The following IFT88 variants were observed in gnomAD, a reference collection of about 807,000 sequenced individuals.
The protein encoded by IFT88 is intraflagellar transport 88, also known as intraflagellar transport protein 88 homolog.
IFT88 carries 74 observed loss-of-function variants against 119.5 expected under a neutral mutation model. The observed-to-expected ratio is 0.62, with a 90% CI of 0.51 to 0.75. The LOEUF is 0.75. IFT88 is among the 30% of genes least tolerant of loss of function. IFT88 has a pLI of 0.00. For synonymous variants in IFT88, 279 were observed against 316.7 expected (o/e 0.88, Z 1.26); for missense variants, 961 against 977.7 (o/e 0.98, Z 0.23).
chr13:20,641,112 A>C (rs888506743), intron 17 of IFT88, among the ~76,000 whole-genome samples, 178 bp from the exon 18 acceptor site: 1 of 152,118 alleles, frequency 6.6e-6, no homozygotes, highest in South Asian at 2.1e-4. Flanking sequence ...GTGCCACTAC[A>C]CTCCAGTGTG....
chr13:20,593,295 G>T (rs1173933073), intron 7 of IFT88, among the ~76,000 whole-genome samples: 1 of 152,078 alleles, frequency 6.6e-6, no homozygotes, highest in African/African-American at 2.4e-5. Context: ...TGTGTGCCAG[G>T]CACTTTTCCA....
chr13:20,605,060 C>A lies in IFT88; in HGVS notation c.1067C>A (p.Thr356Asn). Residue 356 changes from threonine to asparagine, a missense_variant, in exon 13 of 26, where the codon ACT (threonine) becomes AAT (asparagine). Coordinates refer to ENST00000351808, the MANE Select transcript of IFT88 (RefSeq NM_006531.5). The stretch of plus-strand genomic sequence containing the variant: ...GATGATCCTCATACTAACTTAGTAA[C>A]TGAAGCTATAAAAAATGATCACCTC... ...PSDDPHTNLV[T>N]EAIKNDHLRQ... is the part of the protein sequence containing the mutation. The A allele has an allele frequency of 6.6e-7, 1 of 1,509,400 alleles. No individual in the cohort carries two copies. The highest frequency in any genetic ancestry group is 9.2e-7 in the Non-Finnish European group (1 of 1,087,760). The allele number at this position is 1,509,400 out of a possible 1,614,324, so 93.5% of individuals were successfully genotyped here.
chr13:20,621,935 T>C (rs111471454), intron 14 of IFT88, among the ~76,000 whole-genome samples: 119 of 152,318 alleles, frequency 7.8e-4, no homozygotes, highest in African/African-American at 2.8e-3. Context: ...ACTGATCTTT[T>C]TACTGTCTCC....
rs2050236685 is a variant in IFT88 at position 20,643,261 on chromosome 13, T to TATAC, written c.1683-190_1683-187dup. ...ATGGAGGAAAAGGGAAAGCAGGCTA[T>TATAC]ATACATAGGGAGCAAGAGTGTTACC... On this transcript the variant is annotated intron_variant, in intron 18 of 25. Transcript: ENST00000351808. Among the ~76,000 whole-genome samples the TATAC allele has an allele frequency of 2.0e-5, 3 of 152,182 alleles. No individual in the cohort carries two copies. The South Asian group carries it at 6.2e-4, about 31-fold the overall frequency.
At chr13:20,610,472 A>C (rs1379333439) in intron 13 of IFT88, among the ~76,000 whole-genome samples, 1 of 152,056 alleles carries the variant, frequency 6.6e-6, no homozygotes, top group Non-Finnish European at 1.5e-5. Flanking sequence ...CACTGTGGAT[A>C]TATTACAGGA....
At chr13:20,571,278 G>A (rs1351065723) in intron 1 of IFT88, among the ~76,000 whole-genome samples, 1 of 152,222 alleles carries the variant, frequency 6.6e-6, no homozygotes, top group Non-Finnish European at 1.5e-5. Context: ...ATAGGCGTGA[G>A]CCACTGCGCC....
chr13:20,620,846 A>G (rs2046365393), intron 14 of IFT88, among the ~76,000 whole-genome samples: 1 of 152,066 alleles, frequency 6.6e-6, no homozygotes, highest in Non-Finnish European at 1.5e-5. Flanking sequence ...CACTTTTTGA[A>G]TGGAATTAGT....
At chr13:20,606,971 G>A (rs1342977441) in intron 13 of IFT88, among the ~76,000 whole-genome samples, 1 of 152,156 alleles carries the variant, frequency 6.6e-6, no homozygotes, top group Non-Finnish European at 1.5e-5. Flanking sequence ...TCTGAAAAAA[G>A]AAACCTATCT....
At chr13:20,585,586 C>T (rs1370972150) in intron 3 of IFT88, among the ~76,000 whole-genome samples, 1 of 152,166 alleles carries the variant, frequency 6.6e-6, no homozygotes, top group Non-Finnish European at 1.5e-5. Flanking sequence ...AGTCTCTAGT[C>T]CCGGAGGTTC....
At chr13:20,596,972 A>G (rs751984160) in intron 8 of IFT88, 43 bp from the exon 9 acceptor site, 2 of 1,093,888 alleles carry the variant, frequency 1.8e-6, no homozygotes, top group South Asian at 3.0e-5. Context: ...ATAAAAGTTG[A>G]TGAACACTCA....
At chr13:20,614,095 A>G (rs909009367) in intron 13 of IFT88, among the ~76,000 whole-genome samples, 18 of 152,184 alleles carry the variant, frequency 1.2e-4, no homozygotes, top group Non-Finnish European at 2.4e-4. Flanking sequence ...GGTGAGCTGT[A>G]TGGTATATGA....
At chr13:20,621,196 A>G (rs1255244475) in intron 14 of IFT88, among the ~76,000 whole-genome samples, 2 of 151,984 alleles carry the variant, frequency 1.3e-5, no homozygotes, top group Non-Finnish European at 1.5e-5. Context: ...CCTCCCAAGT[A>G]TCTGGGACTA....
At chr13:20,658,229 T>TGG (rs1308934477) in intron 22 of IFT88, among the ~76,000 whole-genome samples, 1 of 148,916 alleles carries the variant, frequency 6.7e-6, no homozygotes, top group African/African-American at 2.4e-5. Context: ...CCCTAGTAGT[T>TGG]GGGATTACAG....
At chr13:20,670,523 CTTTTTTTTTT>C (rs56143632) in intron 23 of IFT88, among the ~76,000 whole-genome samples, 6 of 94,986 alleles carry the variant, frequency 6.3e-5, no homozygotes, top group East Asian at 6.2e-4. Flanking sequence ...CTCAGCTTAC[CTTTTTTTTTT>C]TTTTTTTTTT....
In IFT88 at chr13:20,644,844, C is replaced by T. The variant is rs1424959430; in HGVS notation, c.1835C>T (p.Ser612Leu). 1 of 1,413,732 alleles carries T rather than the reference C, an allele frequency of 7.1e-7. No individual in the cohort carries two copies. Among genetic ancestry groups the T allele is most frequent in the Non-Finnish European group, 9.9e-7 (1 of 1,005,744 alleles). The allele number at this position is 1,413,732 out of a possible 1,614,324, so 87.6% of individuals were successfully genotyped here. Residue 612 changes from serine (S) to leucine (L), a missense_variant and splice_region_variant, in exon 20 of 26, where the codon TCA (serine) becomes TTA (leucine). Coordinates refer to ENST00000351808, the MANE Select transcript of IFT88 (RefSeq NM_006531.5). Reference sequence around the variant, plus strand: ...TTACATTCCATATTTGTTTTACAGTCATATAGGTATTTTCCTTGTAATATT... The same window carrying T: ...TTACATTCCATATTTGTTTTACAGTTATATAGGTATTTTCCTTGTAATATT... Reference protein sequence around the residue: ...KSQAFQYYYESYRYFPCNIEV... With the variant: ...KSQAFQYYYELYRYFPCNIEV...
intron 3 of IFT88, among the ~76,000 whole-genome samples, 155 bp downstream of exon 3, chr13:20,583,174 A>G (rs1294034232): frequency 2.0e-5 from 3 of 152,158 alleles, no homozygotes; most frequent in African/African-American, 7.2e-5. Flanking sequence ...GAAGTTTTTC[A>G]TCTTGTATAT....
At chr13:20,642,928 A>G (rs956740751) in intron 18 of IFT88, 1 of 151,934 alleles carries the variant, frequency 6.6e-6, no homozygotes, top group African/African-American at 2.4e-5. Context: ...TCTAATATGT[A>G]TAAAATAAAT....
chr13:20,572,018 T>G (rs745931038), intron 1 of IFT88, among the ~76,000 whole-genome samples: 2 of 127,898 alleles, frequency 1.6e-5, no homozygotes, highest in African/African-American at 2.9e-5. Flanking sequence ...CACTCTTCTG[T>G]TTCATTTTGC....
At chr13:20,578,992 T>C (rs962469188) in intron 2 of IFT88, among the ~76,000 whole-genome samples, 4 of 152,262 alleles carry the variant, frequency 2.6e-5, no homozygotes, top group African/African-American at 7.2e-5. Flanking sequence ...CTTTTTGTTT[T>C]GTTGATCTTT....
Sources: gnomAD v4.1 joint callset for allele counts (sites outside exome capture counted in the v4.1 genomes callset) on GRCh38, gnomAD v4.1.1 for gene constraint, MANE v1.5 for transcripts, NCBI Gene and HGNC (gene_info 2026-07-23, HGNC 2026-07-21) for gene names.